The following DHTKD1 variants were observed in gnomAD, a reference collection of about 807,000 sequenced individuals.
DHTKD1 encodes the protein dehydrogenase E1 and transketolase domain containing 1.
DHTKD1 carries 78 observed loss-of-function variants against 101.8 expected under a neutral mutation model. That is an observed-to-expected ratio of 0.77 (90% CI 0.64 to 0.93). The LOEUF is 0.93. Ranked by LOEUF, DHTKD1 falls within the 40% of genes least tolerant of loss-of-function variation. DHTKD1 has a pLI of 0.00. For synonymous variants in DHTKD1, 462 were observed against 450.3 expected, an observed-to-expected ratio of 1.03 and a Z score of -0.33; for missense variants, 1,223 against 1,161.7, an observed-to-expected ratio of 1.05 and a Z score of -0.77.
chr10:12,116,912 G>C (rs1186654481), intron 13 of DHTKD1, among the ~76,000 whole-genome samples: 1 of 151,902 alleles, frequency 6.6e-6, no homozygotes, highest in Non-Finnish European at 1.5e-5. Context: ...TCTTGCCTAG[G>C]CTGGTCTCAA....
intron 4 of DHTKD1, among the ~76,000 whole-genome samples, chr10:12,088,070 A>T (rs1455525901): frequency 1.3e-5 from 2 of 151,668 alleles, no homozygotes; most frequent in African/African-American, 4.8e-5. Flanking sequence ...CTATGATCTC[A>T]CCACTGCACT....
At chr10:12,081,692 T>A in intron 2 of DHTKD1, 65 bp downstream of exon 2, 1 of 1,587,958 alleles carries the variant, frequency 6.3e-7, no homozygotes, top group East Asian at 2.2e-5. Context: ...CTGCCTCTGT[T>A]CTTGAAGAAG....
At chr10:12,099,491 A>T (rs1833122942) in intron 8 of DHTKD1, among the ~76,000 whole-genome samples, 1 of 152,136 alleles carries the variant, frequency 6.6e-6, no homozygotes, top group African/African-American at 2.4e-5. Context: ...GTTCAAGACC[A>T]GTCTGACCAA....
At chr10:12,101,415 A>G (rs1171759772) in intron 10 of DHTKD1, among the ~76,000 whole-genome samples, 1 of 152,138 alleles carries the variant, frequency 6.6e-6, no homozygotes, top group Non-Finnish European at 1.5e-5. Flanking sequence ...TAAATGTCAA[A>G]TCAATGTGTG....
chr10:12,089,064 ACCT>A lies in DHTKD1; in HGVS notation c.801_803del (p.Ser268del), dbSNP rs1832947794. ...CACTGGAGACGTCCTGTCTCACCTGACCTCCTCTGTGGACCTGTACTTTGGGGC... is the reference window on the plus strand; with the variant it reads ...CACTGGAGACGTCCTGTCTCACCTGACCTCTGTGGACCTGTACTTTGGGGC... On this transcript the variant is annotated inframe_deletion, in exon 5 of 17. Coordinates refer to ENST00000263035, the MANE Select transcript of DHTKD1 (RefSeq NM_018706.7). 2 of 1,613,726 alleles carry A rather than the reference ACCT, an allele frequency of 1.2e-6. No homozygotes were observed. The highest frequency in any genetic ancestry group is 1.7e-6 in the Non-Finnish European group (2 of 1,179,918).
chr10:12,091,507 A>G lies in DHTKD1; in HGVS notation c.988-6A>G. ...CCCCACCCGCTCCCCTTGCCTCATG[A>G]TTTAGGTCCATGGTGATGCTTCTTT... is the stretch of plus-strand genomic sequence containing the variant. On this transcript the variant is annotated splice_region_variant and splice_polypyrimidine_tract_variant and intron_variant, in intron 5 of 16. Coordinates refer to ENST00000263035, the MANE Select transcript of DHTKD1 (RefSeq NM_018706.7). The G allele has an allele frequency of 6.4e-7, 1 of 1,556,468 alleles. No individual in the cohort carries two copies. The highest frequency in any genetic ancestry group is 8.7e-7 in the Non-Finnish European group (1 of 1,146,276).
In DHTKD1 at chr10:12,089,011, T is replaced by C. The variant is rs1393326634; in HGVS notation, c.743T>C (p.Leu248Ser). Residue 248 changes from leucine (L) to serine (S), a missense_variant, in exon 5 of 17, where the codon TTA (leucine) becomes TCA (serine). Coordinates refer to ENST00000263035, the MANE Select transcript of DHTKD1 (RefSeq NM_018706.7). The part of the protein sequence containing the change: ...PELMFRKMRG[L>S]SEFPENFSAT... ...CTGATGTTCCGTAAAATGCGAGGCT[T>C]AAGTGAATTTCCAGAGAATTTCTCA... The C allele has an allele frequency of 6.2e-7, 1 of 1,614,062 alleles. No individual in the cohort carries two copies. Among genetic ancestry groups the C allele is most frequent in the South Asian group, 1.1e-5 (1 of 91,068 alleles).
At chr10:12,079,584 C>T (rs1832783734) in intron 1 of DHTKD1, among the ~76,000 whole-genome samples, 1 of 152,076 alleles carries the variant, frequency 6.6e-6, no homozygotes, top group Non-Finnish European at 1.5e-5. Flanking sequence ...AGGGGAATCA[C>T]TTGAACCCGG....
chr10:12,094,291 T>C lies in DHTKD1; in HGVS notation c.1358+20T>C, dbSNP rs766003951. 38 of 1,597,592 alleles carry C rather than the reference T, an allele frequency of 2.4e-5. No individual in the cohort carries two copies. In the East Asian group the frequency reaches 8.0e-4, roughly 34 times the overall value. On this transcript the variant is annotated intron_variant, in intron 7 of 16. Transcript: ENST00000263035. The stretch of plus-strand genomic sequence containing the variant: ...CATCAGGTACAATTATAAACCCTTG[T>C]GTGATATGCCCCCTAAAAATTAAAA...
Position 12,089,034 on chromosome 10 carries a change from T to C in DHTKD1, c.766T>C (p.Ser256Pro), listed in dbSNP as rs1266996304. The change falls in exon 5 of 17, where the codon TCA becomes CCA. Residue 256 changes from serine to proline, a missense_variant. Transcript: ENST00000263035. The stretch of plus-strand genomic sequence containing the variant: ...CTTAAGTGAATTTCCAGAGAATTTC[T>C]CAGCCACTGGAGACGTCCTGTCTCA... ...RGLSEFPENF[S>P]ATGDVLSHLT... is the part of the protein sequence containing the mutation. The C allele has an allele frequency of 6.2e-7, 1 of 1,614,056 alleles. No homozygotes were observed. Among genetic ancestry groups the C allele is most frequent in the Non-Finnish European group, 8.5e-7 (1 of 1,179,914 alleles).
At chr10:12,079,113 G>A (rs892797818) in intron 1 of DHTKD1, among the ~76,000 whole-genome samples, 1 of 151,962 alleles carries the variant, frequency 6.6e-6, no homozygotes, top group Admixed American at 6.6e-5. Flanking sequence ...TTTAGATATG[G>A]GATCTTGCTC....
In DHTKD1 at chr10:12,107,847, C is replaced by T. The variant is rs369613985; in HGVS notation, c.2048-62C>T. ...CTAACATTGATTTCCCCAGCTGAGTCGTGTCAGGCCACTTTGTCCCCGCTT... is the reference window on the plus strand; with the variant it reads ...CTAACATTGATTTCCCCAGCTGAGTTGTGTCAGGCCACTTTGTCCCCGCTT... On this transcript the variant is annotated intron_variant, in intron 11 of 16. Transcript: ENST00000263035. This position sits in a 1 kb window ranked among gnomAD's most constrained non-coding sequence, Gnocchi z 4.1. 6 of 1,104,794 alleles carry T rather than the reference C, an allele frequency of 5.4e-6. No individual in the cohort carries two copies. The highest frequency in any genetic ancestry group is 3.9e-5 in the Admixed American group (2 of 51,748). 68.4% of individuals were successfully genotyped at this position (1,104,794 alleles called of 1,614,324 possible).
At chr10:12,076,975 T>TTAA (rs755588069) in intron 1 of DHTKD1, among the ~76,000 whole-genome samples, 9 of 61,834 alleles carry the variant, frequency 1.5e-4, no homozygotes, top group Non-Finnish European at 3.3e-4. Flanking sequence ...CTGTTTCTGA[T>TTAA]AAAAAAAAAA....
chr10:12,106,205 G>C (rs1833244496), intron 10 of DHTKD1, 41 bp from the exon 11 acceptor site: 1 of 1,611,706 alleles, frequency 6.2e-7, no homozygotes, highest in South Asian at 1.1e-5. Flanking sequence ...GCTCTGCCGT[G>C]GCCCTCACAT....
intron 8 of DHTKD1, 28 bp from the exon 9 acceptor site, chr10:12,100,150 C>T (rs1564394720): frequency 2.9e-6 from 4 of 1,397,232 alleles, no homozygotes; most frequent in Non-Finnish European, 2.0e-6. Context: ...TTAGACGTTC[C>T]TTTTTTTTCT....
intron 10 of DHTKD1, among the ~76,000 whole-genome samples, chr10:12,104,300 TC>T (rs1331011952): frequency 6.6e-6 from 1 of 152,104 alleles, no homozygotes; most frequent in East Asian, 1.9e-4. Context: ...CACCTCAGCC[TC>T]CCAAGTAGCT....
At chr10:12,100,287 G>GTTTTTTTTTTTGTTTTTTT in intron 9 of DHTKD1, 25 bp downstream of exon 9, 2 of 269,856 alleles carry the variant, frequency 7.4e-6, no homozygotes, top group South Asian at 4.2e-5. Context: ...TTTTTTTTCT[G>GTTTTTTTTTTTGTTTTTTT]TTTTTTTTTT....
In DHTKD1 at chr10:12,110,229, C is replaced by T. The variant is rs1208679603; in HGVS notation, c.2154+2214C>T. ...AGGGGAATGGTGTGAACCTGGGAGG[C>T]GGAGCTTGCAGTGAGCTGAGATTGC... is the stretch of plus-strand genomic sequence containing the variant. On this transcript the variant is annotated intron_variant, in intron 12 of 16. Coordinates refer to ENST00000263035, the MANE Select transcript of DHTKD1 (RefSeq NM_018706.7). This position sits in a 1 kb window ranked among gnomAD's most constrained non-coding sequence, Gnocchi z 4.9. 1.3e-5 allele frequency among the ~76,000 whole-genome samples: 2 copies of T among 152,104 alleles called. No individual in the cohort carries two copies. Among genetic ancestry groups the T allele is most frequent in the Non-Finnish European group, 2.9e-5 (2 of 68,028 alleles).
At position 12,107,518 on chromosome 10, in the gene DHTKD1, A is replaced by G. The variant is rs1322734713; in HGVS notation, c.2048-391A>G. Among the ~76,000 whole-genome samples the G allele has an allele frequency of 1.3e-5, 2 of 150,868 alleles. No individual in the cohort carries two copies. The highest frequency in any genetic ancestry group is 3.0e-5 in the Non-Finnish European group (2 of 67,644). On this transcript the variant is annotated intron_variant, in intron 11 of 16. Coordinates refer to ENST00000263035, the MANE Select transcript of DHTKD1 (RefSeq NM_018706.7). This position sits in a 1 kb window ranked among gnomAD's most constrained non-coding sequence, Gnocchi z 4.1. ...CTGCAACCTCTATCTCCCGGGGTCA[A>G]GTGATTCTCCCACCTCAGCCTCCCG...
Sources: allele counts gnomAD v4.1 joint callset (sites outside exome capture counted in the v4.1 genomes callset), GRCh38; gene constraint gnomAD v4.1.1; non-coding constraint Gnocchi (gnomAD v3.1); transcripts MANE v1.5; gene names NCBI Gene and HGNC (gene_info 2026-07-23, HGNC 2026-07-21).